FGD4: variants seen among roughly 807,000 people sequenced by gnomAD.
The protein encoded by FGD4 is FYVE, RhoGEF and PH domain-containing protein 4.
In FGD4, 42 loss-of-function variants were observed where a neutral mutation model predicts 102.0. The observed-to-expected ratio is 0.41, with a 90% CI of 0.32 to 0.53. FGD4 has a LOEUF of 0.53. Among genes scored for constraint, FGD4 ranks in the 20% least tolerant of loss-of-function variants. FGD4 has a pLI of 0.21. For synonymous variants in FGD4, 380 were observed against 375.7 expected (o/e 1.01, Z -0.13); for missense variants, 902 against 1,078.2 (o/e 0.84, Z 2.29).
intron 1 of FGD4, among the ~76,000 whole-genome samples, chr12:32,482,790 G>A (rs1254197261): frequency 6.6e-6 from 1 of 152,144 alleles, no homozygotes; most frequent in Non-Finnish European, 1.5e-5. Context: ...TAATAATTTT[G>A]ACAAACTTTG....
intron 1 of FGD4, among the ~76,000 whole-genome samples, chr12:32,563,555 G>A (rs1301707981): frequency 1.3e-5 from 2 of 150,988 alleles, no homozygotes; most frequent in Non-Finnish European, 3.0e-5. Flanking sequence ...CGTCCCAGAC[G>A]ATGGGCAGCC....
chr12:32,576,214 T>C, intron 2 of FGD4, 52 bp from the exon 3 acceptor site: 1 of 1,529,222 alleles, frequency 6.5e-7, no homozygotes. Flanking sequence ...GAATTTTTAT[T>C]GTTATTGAAC....
intron 2 of FGD4, among the ~76,000 whole-genome samples, chr12:32,572,264 A>G (rs1174960330): frequency 1.3e-5 from 2 of 152,186 alleles, no homozygotes; most frequent in Non-Finnish European, 2.9e-5. Flanking sequence ...TACTTAGCTG[A>G]TCTTATTCAG....
intron 1 of FGD4, among the ~76,000 whole-genome samples, chr12:32,538,872 G>A (rs910776144): frequency 5.3e-5 from 8 of 152,100 alleles, no homozygotes; most frequent in African/African-American, 1.4e-4. Context: ...GGCTAACACC[G>A]TGAAACTCCG....
At chr12:32,515,443 A>G (rs1037083994) in intron 1 of FGD4, among the ~76,000 whole-genome samples, 2 of 152,284 alleles carry the variant, frequency 1.3e-5, no homozygotes, top group Admixed American at 6.5e-5. Flanking sequence ...AATGGAAGCA[A>G]TGAGGAAAAG....
At chr12:32,574,532 CTA>C (rs955280621) in intron 2 of FGD4, among the ~76,000 whole-genome samples, 4 of 151,998 alleles carry the variant, frequency 2.6e-5, no homozygotes, top group African/African-American at 9.7e-5. Flanking sequence ...CCAGATAATA[CTA>C]TGTTAATCAC....
At chr12:32,407,582 C>T (rs908150002) in intron 1 of FGD4, among the ~76,000 whole-genome samples, 3 of 152,032 alleles carry the variant, frequency 2.0e-5, no homozygotes, top group Non-Finnish European at 4.4e-5. Context: ...ATAGATTGTC[C>T]CTCAATACAT....
At chr12:32,407,788 C>A (rs4931013) in intron 1 of FGD4, among the ~76,000 whole-genome samples, 29,050 of 151,990 alleles carry the variant, frequency 0.19, 3,175 homozygotes, top group East Asian at 0.29. Context: ...GTGAGCTCAA[C>A]CGACCTGTCA....
intron 4 of FGD4, among the ~76,000 whole-genome samples, chr12:32,583,862 G>A (rs1379947565): frequency 6.6e-6 from 1 of 152,218 alleles, no homozygotes; most frequent in Non-Finnish European, 1.5e-5. Flanking sequence ...CGTGAACCAT[G>A]ATGGAAGGAA....
At chr12:32,566,512 A>G (rs886090904) in intron 2 of FGD4, among the ~76,000 whole-genome samples, 1 of 152,196 alleles carries the variant, frequency 6.6e-6, no homozygotes, top group Non-Finnish European at 1.5e-5. Flanking sequence ...CCAGTCTTCA[A>G]TAACACTGCT....
intron 14 of FGD4, among the ~76,000 whole-genome samples, chr12:32,629,140 G>A (rs1260843602): frequency 6.6e-6 from 1 of 152,212 alleles, no homozygotes; most frequent in Non-Finnish European, 1.5e-5. Flanking sequence ...TAGGAATCAG[G>A]TCATTGAGAG....
rs554817357 is a variant in FGD4 at position 32,644,058 on chromosome 12, A to G, written c.*3525A>G. The G allele has an allele frequency of 9.2e-5, 14 of 152,304 alleles. No individual in the cohort carries two copies. The East Asian group carries it at 2.5e-3, about 27-fold the overall frequency. The allele number at this position is 152,304 out of a possible 1,614,324, so 9.4% of individuals were successfully genotyped here. The stretch of plus-strand genomic sequence containing the variant: ...CAGAATAGATTAATGAAGATTTCCT[A>G]TATCATATGATATTTGTGTTAGTGG... On this transcript the variant is annotated 3_prime_UTR_variant, in exon 17 of 17. Transcript: ENST00000534526.
At chr12:32,447,661 C>A (rs1349953969) in intron 1 of FGD4, among the ~76,000 whole-genome samples, 1 of 152,334 alleles carries the variant, frequency 6.6e-6, no homozygotes, top group East Asian at 1.9e-4. Flanking sequence ...CATCCAAATT[C>A]GCTCAGTGAC....
chr12:32,600,005 G>A (rs1948262848), intron 5 of FGD4, among the ~76,000 whole-genome samples: 1 of 152,168 alleles, frequency 6.6e-6, no homozygotes, highest in Admixed American at 6.5e-5. Flanking sequence ...CATGGAAACA[G>A]GCAATCCTGT....
intron 1 of FGD4, among the ~76,000 whole-genome samples, chr12:32,514,787 A>C (rs1341757301): frequency 2.0e-5 from 3 of 152,222 alleles, no homozygotes; most frequent in Non-Finnish European, 2.9e-5. Context: ...CCCGAATTGC[A>C]GATTGTTTAC....
At chr12:32,640,247 G>A in intron 16 of FGD4, 29 bp from the exon 17 acceptor site, 1 of 1,614,128 alleles carries the variant, frequency 6.2e-7, no homozygotes, top group Non-Finnish European at 8.5e-7. Context: ...TACATCACCT[G>A]CTTTTAATGT....
At chr12:32,623,890 T>C (rs913655241) in intron 11 of FGD4, among the ~76,000 whole-genome samples, 1 of 152,256 alleles carries the variant, frequency 6.6e-6, no homozygotes, top group Non-Finnish European at 1.5e-5. Flanking sequence ...TATATGCTTT[T>C]CTTTATCTAA....
intron 1 of FGD4, among the ~76,000 whole-genome samples, chr12:32,490,896 T>C (rs1361582731): frequency 6.6e-6 from 1 of 152,196 alleles, no homozygotes; most frequent in Non-Finnish European, 1.5e-5. Flanking sequence ...TCTCACAGGA[T>C]TGAAAGCAAG....
At position 32,563,911 on chromosome 12, in the gene FGD4, G is replaced by A. The variant is rs73305543; in HGVS notation, c.167-226G>A. On this transcript the variant is annotated intron_variant, in intron 1 of 16. Coordinates refer to ENST00000534526, the MANE Select transcript of FGD4 (RefSeq NM_001370298.3). ...AGGCACTCGGCAGGCTGAGGCAGGA[G>A]AATCAGGCAGGGAGGTTGCAGTGAG... Among the ~76,000 whole-genome samples, 14,261 of 151,778 alleles carry A rather than the reference G, an allele frequency of 0.094. 1,049 individuals carry two copies. Among genetic ancestry groups the A allele is most frequent in the African/African-American group, 0.2 (8,383 of 41,300 alleles).
Sources: gnomAD v4.1 joint callset for allele counts (sites outside exome capture counted in the v4.1 genomes callset) on GRCh38, gnomAD v4.1.1 for gene constraint, MANE v1.5 for transcripts, NCBI Gene and HGNC (gene_info 2026-07-23, HGNC 2026-07-21) for gene names.